The following POLR2F variants were observed in gnomAD, a reference collection of about 807,000 sequenced individuals.
POLR2F encodes RNA polymerase II, I and III subunit F.
A neutral mutation model predicts 22.7 loss-of-function variants in POLR2F; 12 were observed. That is an observed-to-expected ratio of 0.53 (90% CI 0.34 to 0.86). The LOEUF (loss-of-function observed/expected upper bound fraction) is 0.86. POLR2F is among the 40% of genes least tolerant of loss of function. The pLI is 0.02. For synonymous variants in POLR2F, 57 were observed against 66.0 expected (o/e 0.86, Z 0.66); for missense variants, 126 against 171.5 (o/e 0.73, Z 1.48).
At chr22:38,023,776 G>A (rs2084981477) in intron 1 of POLR2F, among the ~76,000 whole-genome samples, 1 of 151,234 alleles carries the variant, frequency 6.6e-6, no homozygotes, top group South Asian at 2.1e-4. Flanking sequence ...GGGTTCAAGT[G>A]ATTCCCCTGC....
chr22:38,034,828 G>A (rs1322890129), intron 5 of POLR2F, among the ~76,000 whole-genome samples: 1 of 152,190 alleles, frequency 6.6e-6, no homozygotes, highest in African/African-American at 2.4e-5. Context: ...AGAGGCCAGA[G>A]GAGAAACCAG....
At chr22:37,983,295 C>A, upstream of POLR2F, 1 of 1,543,660 alleles carries the variant, frequency 6.5e-7, no homozygotes. This position sits in a 1 kb window ranked among gnomAD's most constrained non-coding sequence, Gnocchi z 9.5. Flanking sequence ...CGGGCCGCCT[C>A]GGCTACCCTG....
chr22:37,994,727 C>T (rs1459396658), intron 1 of POLR2F, among the ~76,000 whole-genome samples: 3 of 152,326 alleles, frequency 2.0e-5, no homozygotes, highest in African/African-American at 7.2e-5. Context: ...ACCGTGGTCT[C>T]GAGCTCCTGA....
rs149840942 is a variant in POLR2F at position 37,956,291 on chromosome 22, C to T, written c.21-482C>T. ...ATTTTTAGTAGAGACGGGGTTTCATCATGTTGGTCAGGCTGGCCTTGAACT... is the reference window on the plus strand; with the variant it reads ...ATTTTTAGTAGAGACGGGGTTTCATTATGTTGGTCAGGCTGGCCTTGAACT... On this transcript the variant is annotated intron_variant, in intron 1 of 4. Transcript: ENST00000442738. Among the ~76,000 whole-genome samples, 1,322 of 152,038 alleles carry T rather than the reference C, an allele frequency of 8.7e-3. 24 individuals are homozygous for T. The highest frequency in any genetic ancestry group is 0.031 in the African/African-American group (1,278 of 41,484).
intron 1 of POLR2F, among the ~76,000 whole-genome samples, chr22:37,991,726 G>A (rs184385693): frequency 9.2e-5 from 14 of 152,228 alleles, no homozygotes; most frequent in East Asian, 1.9e-4. Flanking sequence ...TTCCAACTCC[G>A]TTCAGACCTG....
At chr22:37,970,117 C>A (rs1357947719), downstream of POLR2F, among the ~76,000 whole-genome samples, 1 of 151,764 alleles carries the variant, frequency 6.6e-6, no homozygotes, top group Non-Finnish European at 1.5e-5. Flanking sequence ...CACAGTGAAA[C>A]CCCGTCTGTA....
downstream of POLR2F, among the ~76,000 whole-genome samples, chr22:37,971,528 C>T (rs1370976826): frequency 6.6e-6 from 1 of 152,162 alleles, no homozygotes; most frequent in Non-Finnish European, 1.5e-5. Context: ...GCAGTTTGGA[C>T]TTCTGCTGAG....
chr22:37,961,726 T>TC (rs1378980098), intron 3 of POLR2F, among the ~76,000 whole-genome samples: 1 of 152,058 alleles, frequency 6.6e-6, no homozygotes, highest in Non-Finnish European at 1.5e-5. Context: ...CTGCTTTTTT[T>TC]CCCCCCAGGC....
chr22:37,964,533 T>C (rs1195882572), intron 3 of POLR2F, among the ~76,000 whole-genome samples: 1 of 151,930 alleles, frequency 6.6e-6, no homozygotes, highest in Non-Finnish European at 1.5e-5. Context: ...AGGCCACTCA[T>C]AAATCCAAGT....
intron 1 of POLR2F, among the ~76,000 whole-genome samples, chr22:38,006,630 G>A (rs191301451): frequency 3.5e-4 from 53 of 152,344 alleles, no homozygotes; most frequent in African/African-American, 1.1e-3. Context: ...CGGGCAAGGG[G>A]AGCAAGGAGC....
At chr22:37,973,831 C>T (rs1270414756), downstream of POLR2F, 2 of 1,605,150 alleles carry the variant, frequency 1.2e-6, no homozygotes, top group Non-Finnish European at 1.7e-6. Flanking sequence ...CTGTCTTCAC[C>T]TGGGCTTTGG....
chr22:37,969,096 C>T lies in POLR2F; in HGVS notation c.*1381C>T. ...TCTCTTTGTTCCCTGCTGGGCTGCTCAGTATCAGATGTGATTAAAGGGAGA... is the reference window on the plus strand; with the variant it reads ...TCTCTTTGTTCCCTGCTGGGCTGCTTAGTATCAGATGTGATTAAAGGGAGA... On this transcript the variant is annotated 3_prime_UTR_variant, in exon 5 of 5. Transcript: ENST00000442738. The T allele has an allele frequency of 5.1e-6, 5 of 985,318 alleles. No homozygotes were observed. Among genetic ancestry groups the T allele is most frequent in the Non-Finnish European group, 6.0e-6 (5 of 829,944 alleles). 61.0% of individuals were successfully genotyped at this position (985,318 alleles called of 1,614,324 possible).
chr22:37,999,582 ACCCCTT>A (rs2084750055), intron 1 of POLR2F, among the ~76,000 whole-genome samples: 2 of 151,626 alleles, frequency 1.3e-5, no homozygotes, highest in Admixed American at 1.3e-4. Flanking sequence ...GCGTCCTGAC[ACCCCTT>A]CCCCTCCCCA....
At chr22:37,990,207 G>A (rs1932695555) in intron 1 of POLR2F, among the ~76,000 whole-genome samples, 1 of 152,200 alleles carries the variant, frequency 6.6e-6, no homozygotes, top group African/African-American at 2.4e-5. Context: ...GAGCTCTGGG[G>A]GAGGAGGATG....
downstream of POLR2F, among the ~76,000 whole-genome samples, chr22:38,030,260 C>T (rs999948368): frequency 2.0e-5 from 3 of 152,174 alleles, no homozygotes; most frequent in East Asian, 5.8e-4. Flanking sequence ...CCACAAGCCC[C>T]CTGGGGAGCC....
chr22:38,038,424 C>T (rs377412120), intron 5 of POLR2F, among the ~76,000 whole-genome samples: 7 of 152,150 alleles, frequency 4.6e-5, no homozygotes, highest in Admixed American at 1.3e-4. Context: ...GGTCACAGGG[C>T]GGCTGGGGTT....
chr22:38,038,865 A>G (rs2085143071), intron 5 of POLR2F, among the ~76,000 whole-genome samples: 1 of 145,726 alleles, frequency 6.9e-6, no homozygotes, highest in Non-Finnish European at 1.5e-5. Flanking sequence ...CAGCGCCTGC[A>G]CTGGCGGCCG....
chr22:37,975,952 G>A (rs745513181), intron 4 of POLR2F, among the ~76,000 whole-genome samples: 1 of 152,028 alleles, frequency 6.6e-6, no homozygotes, highest in East Asian at 1.9e-4. Context: ...TATAGTAAGA[G>A]ATAGGAGGCT....
chr22:38,011,477 T>C (rs1390632929), intron 1 of POLR2F, among the ~76,000 whole-genome samples: 3 of 151,184 alleles, frequency 2.0e-5, no homozygotes, highest in Non-Finnish European at 2.9e-5. Flanking sequence ...TTTTTTTTTT[T>C]ACACTTGCTT....
Sources: allele counts gnomAD v4.1 joint callset (sites outside exome capture counted in the v4.1 genomes callset), GRCh38; gene constraint gnomAD v4.1.1; non-coding constraint Gnocchi (gnomAD v3.1); transcripts MANE v1.5; gene names NCBI Gene and HGNC (gene_info 2026-07-23, HGNC 2026-07-21).